The following HENMT1 variants were observed in gnomAD, a reference collection of about 807,000 sequenced individuals.
The protein encoded by HENMT1 is HEN methyltransferase 1, also known as small RNA 2'-O-methyltransferase.
HENMT1 carries 27 observed loss-of-function variants against 31.1 expected under a neutral mutation model. The observed-to-expected ratio is 0.87, with a 90% CI of 0.64 to 1.20. HENMT1 has a LOEUF of 1.20. Among genes scored for constraint, HENMT1 ranks in the 50% most tolerant of loss-of-function variants. The probability of loss-of-function intolerance (pLI) is 0.00; values close to 1 mark genes in which losing one functional copy is unlikely to be tolerated. For missense variants in HENMT1, 438 were observed against 469.6 expected (o/e 0.93, Z 0.62); for synonymous variants, 167 against 172.2 (o/e 0.97, Z 0.24).
intron 7 of HENMT1, 68 bp from the exon 8 acceptor site, chr1:108,649,059 T>C: frequency 2.3e-6 from 3 of 1,321,852 alleles, no homozygotes; most frequent in Non-Finnish European, 3.1e-6. Context: ...TTCAAAGCCA[T>C]CAATAACTTT....
At position 108,660,993 on chromosome 1, in the gene HENMT1, C is replaced by A; in HGVS notation, c.-109G>T. 7 of 985,282 alleles carry A rather than the reference C, an allele frequency of 7.1e-6. No individual in the cohort carries two copies. The highest frequency in any genetic ancestry group is 8.4e-6 in the Non-Finnish European group (7 of 829,818). 61.0% of individuals were successfully genotyped at this position (985,282 alleles called of 1,614,324 possible). A position where few individuals can be genotyped will look rare whatever the true frequency, so the allele number is the denominator to read the frequency against. ...CCAACGCTTCTGTCTTTGTACGGGC[C>A]GTCGCTTCCATCATCCTGCGGTAAG... On this transcript the variant is annotated 5_prime_UTR_variant, in exon 1 of 8. Coordinates refer to ENST00000651461, the MANE Select transcript of HENMT1 (RefSeq NM_001102592.2).
intron 7 of HENMT1, chr1:108,649,478 T>G: frequency 2.3e-6 from 1 of 434,902 alleles, no homozygotes; most frequent in South Asian, 1.6e-5. Context: ...AAGCTGAGCA[T>G]GGTGGTGCAC....
At chr1:108,660,365 T>C (rs1235044330) in intron 1 of HENMT1, among the ~76,000 whole-genome samples, 1 of 152,174 alleles carries the variant, frequency 6.6e-6, no homozygotes, top group Non-Finnish European at 1.5e-5. Flanking sequence ...ATAGTTCAAC[T>C]AGATACAAAC....
In HENMT1 at chr1:108,659,761, T is replaced by C. The variant is rs190944499; in HGVS notation, c.21+103A>G. On this transcript the variant is annotated intron_variant, in intron 2 of 7. Coordinates refer to ENST00000651461, the MANE Select transcript of HENMT1 (RefSeq NM_001102592.2). Reference sequence around the variant, plus strand: ...TTACCTCAACCAACACCCCGGGAAATGCTAGGACCTAAATGTGATCAATTT... The same window carrying C: ...TTACCTCAACCAACACCCCGGGAAACGCTAGGACCTAAATGTGATCAATTT... 59 of 703,920 alleles carry C rather than the reference T, an allele frequency of 8.4e-5. No individual in the cohort carries two copies. In the East Asian group the frequency reaches 1.6e-3, roughly 19 times the overall value. 43.6% of individuals were successfully genotyped at this position (703,920 alleles called of 1,614,324 possible).
rs115447298 is a variant in HENMT1, at chr1:108,655,484, C to T, written c.263+102G>A. On this transcript the variant is annotated intron_variant, in intron 4 of 7. Coordinates refer to ENST00000651461, the MANE Select transcript of HENMT1 (RefSeq NM_001102592.2). ...TCAGTGAGTTGAAGATCCCTAATGG[C>T]CCCAATCTTTTAAAACAAATATAAA... is the stretch of plus-strand genomic sequence containing the variant. The T allele has an allele frequency of 8.6e-4, 539 of 628,934 alleles. 4 individuals carry two copies. The African/African-American group carries it at 9.2e-3, about 11-fold the overall frequency. 39.0% of individuals were successfully genotyped at this position (628,934 alleles called of 1,614,324 possible). A position where few individuals can be genotyped will look rare whatever the true frequency, so the allele number is the denominator to read the frequency against.
chr1:108,656,890 T>G (rs1180179418), intron 3 of HENMT1, among the ~76,000 whole-genome samples: 2 of 152,176 alleles, frequency 1.3e-5, no homozygotes, highest in Non-Finnish European at 1.5e-5. Context: ...AATCTTAAGA[T>G]TTTCTTCACA....
At chr1:108,655,140 T>C (rs1658178682) in intron 4 of HENMT1, among the ~76,000 whole-genome samples, 1 of 152,202 alleles carries the variant, frequency 6.6e-6, no homozygotes. Flanking sequence ...GATTTTGAGA[T>C]TTTTGTTCTT....
chr1:108,658,068 TGTACACACACACACACACACACACAC>T (rs1658312264), intron 2 of HENMT1, among the ~76,000 whole-genome samples: 1 of 46,230 alleles, frequency 2.2e-5, no homozygotes, highest in African/African-American at 5.5e-5. Context: ...CACATATATA[TGTACACACACACACACACACACACAC>T]ATATATACAC....
At chr1:108,653,231 C>T (rs1658112235) in intron 5 of HENMT1, among the ~76,000 whole-genome samples, 1 of 151,818 alleles carries the variant, frequency 6.6e-6, no homozygotes, top group South Asian at 2.1e-4. Context: ...GGCCAGGCTG[C>T]TCTTGAACTC....
At chr1:108,649,947 C>T in intron 7 of HENMT1, 4 of 531,710 alleles carry the variant, frequency 7.5e-6, no homozygotes, top group South Asian at 6.7e-5. Context: ...AGCCACTGTA[C>T]CCAGCTACTT....
chr1:108,658,447 G>A (rs963807223), intron 2 of HENMT1, among the ~76,000 whole-genome samples: 10 of 152,062 alleles, frequency 6.6e-5, no homozygotes, highest in Admixed American at 3.9e-4. Context: ...CTCTTTTTAA[G>A]AGAGAGAGAG....
intron 5 of HENMT1, 52 bp downstream of exon 5, chr1:108,654,664 T>C (rs1658159037): frequency 6.4e-7 from 1 of 1,571,306 alleles, no homozygotes; most frequent in Non-Finnish European, 8.7e-7. Context: ...CACTGAGACT[T>C]ATTCAGGCTT....
chr1:108,651,765 AG>A (rs896518694), intron 5 of HENMT1, among the ~76,000 whole-genome samples: 1 of 148,576 alleles, frequency 6.7e-6, no homozygotes, highest in Non-Finnish European at 1.5e-5. Context: ...AGGGGAGGGG[AG>A]GGGGAAAAAG....
chr1:108,648,571 A>G lies in HENMT1; in HGVS notation c.1177T>C (p.Phe393Leu). The change falls in exon 8 of 8, where the codon TTT (phenylalanine) becomes CTT (leucine). Residue 393 changes from phenylalanine (F) to leucine (L), a missense_variant. Transcript: ENST00000651461. ...TTTCAGGAAATAAACATGGTTCAAA[A>G]CTCAAACTGTTCATCAAAATAATTA... ...LRNYFDEQFE[F>L] The G allele has an allele frequency of 6.2e-7, 1 of 1,611,514 alleles. No homozygotes were observed.
At chr1:108,658,562 C>T (rs1374152457) in intron 2 of HENMT1, among the ~76,000 whole-genome samples, 1 of 152,132 alleles carries the variant, frequency 6.6e-6, no homozygotes, top group Non-Finnish European at 1.5e-5. Context: ...TTCCAACACA[C>T]CAGCAAAAGA....
At chr1:108,657,788 G>C (rs1339844854) in intron 2 of HENMT1, among the ~76,000 whole-genome samples, 1 of 152,016 alleles carries the variant, frequency 6.6e-6, no homozygotes. Context: ...TAACAAGAGA[G>C]AATCTAGCTG....
At chr1:108,654,931 A>C (rs1037152040) in intron 4 of HENMT1, 81 bp from the exon 5 acceptor site, 242 of 1,371,102 alleles carry the variant, frequency 1.8e-4, no homozygotes, top group Admixed American at 7.2e-4. Context: ...AGATCCTCTG[A>C]TAATTATCTT....
rs1369708664 is a variant in HENMT1 at position 108,650,304 on chromosome 1, T to C, written c.663A>G (p.Gly221=). Reference sequence around the variant, plus strand: ...GGAAGATTCCTATCTGGGTACAGTATCCAACATTCTCAGCTCCAGCTGGTG... The same window carrying C: ...GGAAGATTCCTATCTGGGTACAGTACCCAACATTCTCAGCTCCAGCTGGTG... ...GEPPAGAENV[G]YCTQIGIFRK... The change falls in exon 7 of 8, where the codon GGA becomes GGG. Residue 221 remains glycine, a synonymous_variant. Transcript: ENST00000651461. The C allele has an allele frequency of 6.2e-7, 1 of 1,614,130 alleles. No homozygotes were observed. Among genetic ancestry groups the C allele is most frequent in the Admixed American group, 1.7e-5 (1 of 60,026 alleles).
intron 5 of HENMT1, 103 bp from the exon 6 acceptor site, chr1:108,651,312 C>G: frequency 1.1e-6 from 1 of 950,892 alleles, no homozygotes; most frequent in Non-Finnish European, 1.6e-6. Flanking sequence ...ATCGATTTCT[C>G]CCTTCTTTGA....
Sources: allele counts gnomAD v4.1 joint callset (sites outside exome capture counted in the v4.1 genomes callset), GRCh38; gene constraint gnomAD v4.1.1; transcripts MANE v1.5; gene names NCBI Gene and HGNC (gene_info 2026-07-23, HGNC 2026-07-21).